Variants in TEX15 observed in about 807,000 individuals in gnomAD.
The protein encoded by TEX15 is testis expressed 15, meiosis and synapsis associated.
A neutral mutation model predicts 237.3 loss-of-function variants in TEX15; 171 were observed. The ratio of observed to expected loss-of-function variants is 0.72; its 90% CI spans 0.64 to 0.82. The LOEUF is 0.82. TEX15 is among the 40% of genes least tolerant of loss of function. The pLI is 0.00. For synonymous variants in TEX15, 1,338 were observed against 1,269.8 expected (o/e 1.05, Z -1.14); for missense variants, 3,750 against 3,646.5 (o/e 1.03, Z -0.73).
intron 3 of TEX15, among the ~76,000 whole-genome samples, chr8:30,882,578 G>C (rs1808554025): frequency 6.6e-6 from 1 of 152,176 alleles, no homozygotes; most frequent in African/African-American, 2.4e-5. Flanking sequence ...GAGCCACTGT[G>C]CCTAGCCTCA....
intron 1 of TEX15, among the ~76,000 whole-genome samples, chr8:30,901,843 AAACT>A (rs1352644855): frequency 2.0e-5 from 3 of 152,202 alleles, no homozygotes. Flanking sequence ...GAGCTAGAAA[AAACT>A]ACTACTTAAC....
Position 30,832,600 on chromosome 8 carries a change from T to C in TEX15, c.*686A>G, listed in dbSNP as rs987054876. 2 of 152,226 alleles carry C rather than the reference T, an allele frequency of 1.3e-5. No individual in the cohort carries two copies. The highest frequency in any genetic ancestry group is 2.9e-5 in the Non-Finnish European group (2 of 68,028). The allele number at this position is 152,226 out of a possible 1,614,324, so 9.4% of individuals were successfully genotyped here. On this transcript the variant is annotated 3_prime_UTR_variant, in exon 11 of 11. Coordinates refer to ENST00000643185, the MANE Select transcript of TEX15 (RefSeq NM_001350162.2). ...AAGACTAACTGCATAAGCATAAACA[T>C]TATTCTCTATTATTTGCTAGAAAAT...
At chr8:30,904,446 CA>C (rs200542503) in intron 1 of TEX15, among the ~76,000 whole-genome samples, 50,563 of 101,864 alleles carry the variant, frequency 0.5, 8,042 homozygotes, top group African/African-American at 0.55. Flanking sequence ...GACTCCGTCT[CA>C]AAAAAAAAAA....
rs1487278849 is a variant in TEX15 at position 30,833,315 on chromosome 8, G to A, written c.9490C>T (p.His3164Tyr). The A allele has an allele frequency of 1.9e-6, 3 of 1,595,960 alleles. No homozygotes were observed. Among genetic ancestry groups the A allele is most frequent in the Non-Finnish European group, 2.6e-6 (3 of 1,170,314 alleles). The change falls in exon 11 of 11, where the codon CAC becomes TAC. Residue 3164 changes from histidine to tyrosine, a missense_variant. Coordinates refer to ENST00000643185, the MANE Select transcript of TEX15 (RefSeq NM_001350162.2). ...TGTCCTGGATGAAAGGATTCTTGGT[G>A]CCATGGAGCTGGAAGAAAAAACACC... ...PEVPWVYAPW[H>Y]QESFHPGH
intron 8 of TEX15, among the ~76,000 whole-genome samples, chr8:30,840,728 T>C (rs901236999): frequency 2.0e-5 from 3 of 152,194 alleles, no homozygotes; most frequent in African/African-American, 7.2e-5. Context: ...ATGACTTATA[T>C]ACTCAGAATC....
chr8:30,848,349 T>G lies in TEX15; in HGVS notation c.1818A>C (p.Lys606Asn), dbSNP rs1807679071. Residue 606 changes from lysine to asparagine, a missense_variant, in exon 8 of 11, where the codon AAA becomes AAC. Transcript: ENST00000643185. ...GGTATTCATCAATGCTTACTTTCTT[T>G]TTGAGTGGAAAAACTGTAGACGTTT... ...GCQTSTVFPL[K>N]KKVSIDEYLQ... 6 of 1,614,010 alleles carry G rather than the reference T, an allele frequency of 3.7e-6. No homozygotes were observed. Among genetic ancestry groups the G allele is most frequent in the Non-Finnish European group, 5.1e-6 (6 of 1,179,998 alleles).
At position 30,845,193 on chromosome 8, in the gene TEX15, C is replaced by T; in HGVS notation, c.4974G>A (p.Val1658=). 6.2e-7 allele frequency: 1 copy of T among 1,613,500 alleles called. No individual in the cohort carries two copies. The highest frequency in any genetic ancestry group is 8.5e-7 in the Non-Finnish European group (1 of 1,179,538). Residue 1658 remains valine, a synonymous_variant, in exon 8 of 11, where the codon GTG becomes GTA. Coordinates refer to ENST00000643185, the MANE Select transcript of TEX15 (RefSeq NM_001350162.2). ...DVLISVLDSN[V]KHFLNDLYQQ... ...GGTAGAGATCATTTAAAAAGTGCTTCACATTTGAATCTAAGACTGATATAA... is the reference window on the plus strand; with the variant it reads ...GGTAGAGATCATTTAAAAAGTGCTTTACATTTGAATCTAAGACTGATATAA...
intron 1 of TEX15, among the ~76,000 whole-genome samples, chr8:30,909,331 T>C (rs1809170890): frequency 6.6e-6 from 1 of 151,684 alleles, no homozygotes; most frequent in Non-Finnish European, 1.5e-5. Flanking sequence ...ATGTATTCAG[T>C]CACATTGGTG....
Position 30,846,355 on chromosome 8 carries a change from ATTG to A in TEX15, c.3809_3811del (p.Thr1270del), listed in dbSNP as rs368254330. The A allele has an allele frequency of 3.9e-4, 634 of 1,613,210 alleles. 3 individuals are homozygous for A. In the African/African-American group the frequency reaches 4.6e-3, roughly 12 times the overall value. On this transcript the variant is annotated inframe_deletion, in exon 8 of 11. Transcript: ENST00000643185. ...AAAGAAACATCTGCTTCCATCATCTATTGTTGTGACATTAGAAGGTTCAGTAAA... is the reference window on the plus strand; with the variant it reads ...AAAGAAACATCTGCTTCCATCATCTATTGTGACATTAGAAGGTTCAGTAAA...
intron 3 of TEX15, among the ~76,000 whole-genome samples, chr8:30,875,623 C>A (rs1016526048): frequency 2.0e-5 from 3 of 152,146 alleles, no homozygotes; most frequent in African/African-American, 4.8e-5. Flanking sequence ...TAAATAGATG[C>A]ATAAAAGGAT....
At chr8:30,887,890 AT>A (rs1313079797) in intron 2 of TEX15, 1 of 2,026 alleles carries the variant, frequency 4.9e-4, no homozygotes, top group Non-Finnish European at 7.8e-4. Flanking sequence ...TATATATTTC[AT>A]ATATATATAT....
In TEX15 at chr8:30,837,182, T is replaced by C. The variant is rs765493556; in HGVS notation, c.9102A>G (p.Leu3034=). Residue 3034 remains leucine (L), a synonymous_variant, in exon 10 of 11, where the codon TTA becomes TTG. Transcript: ENST00000643185. ...CAGAGTATGGATATGAAGTTCCAAA[T>C]AAATGCTCAGAAGAATTATATGTTG... ...CNPTYNSSEH[L]FGTSYPYSAW... The C allele has an allele frequency of 1.2e-6, 2 of 1,614,160 alleles. No homozygotes were observed. Among genetic ancestry groups the C allele is most frequent in the East Asian group, 4.5e-5 (2 of 44,872 alleles).
chr8:30,852,867 G>C (rs1807818777), intron 7 of TEX15, among the ~76,000 whole-genome samples: 1 of 152,178 alleles, frequency 6.6e-6, no homozygotes, highest in Admixed American at 6.5e-5. Context: ...GTAGCTACTA[G>C]CCACATGTGG....
At chr8:30,867,683 A>G (rs1047870076) in intron 4 of TEX15, among the ~76,000 whole-genome samples, 181 bp from the exon 5 acceptor site, 7 of 152,110 alleles carry the variant, frequency 4.6e-5, no homozygotes, top group African/African-American at 1.7e-4. Flanking sequence ...AGGATTACTT[A>G]GCCAAGATTT....
At chr8:30,836,662 T>C (rs561568555) in intron 10 of TEX15, 141 bp downstream of exon 10, 67 of 770,972 alleles carry the variant, frequency 8.7e-5, no homozygotes, top group African/African-American at 1.2e-4. Flanking sequence ...GCCCAATCCA[T>C]TGGCAATTCT....
rs1172617121 is a variant in TEX15 at position 30,837,684 on chromosome 8, G to A, written c.8600C>T (p.Ser2867Phe). The change falls in exon 10 of 11, where the codon TCC becomes TTC. Residue 2867 changes from serine to phenylalanine, a missense_variant. Ser to Phe is a radical substitution (Grantham distance 155, BLOSUM62 -2). Coordinates refer to ENST00000643185, the MANE Select transcript of TEX15 (RefSeq NM_001350162.2). ...GTLLQKFLKN[S>F]PDPTQKSCLS... is the part of the protein sequence containing the mutation. ...GCAGGATTTTTGGGTGGGATCTGGG[G>A]AATTTTTAAGAAATTTCTGCAAAAG... 3 of 1,613,946 alleles carry A rather than the reference G, an allele frequency of 1.9e-6. No individual in the cohort carries two copies. The highest frequency in any genetic ancestry group is 2.5e-6 in the Non-Finnish European group (3 of 1,179,960).
rs747588683 is a variant in TEX15, at chr8:30,848,462, C to T, written c.1705G>A (p.Gly569Ser). The part of the protein sequence containing the change: ...EKAQRAQQES[G>S]NAYTKEYSSH... The stretch of plus-strand genomic sequence containing the variant: ...CTGTACTCTTTTGTATAAGCATTAC[C>T]GGACTCCTGTTGGGCTCTCTGAGCC... Residue 569 changes from glycine to serine, a missense_variant, in exon 8 of 11, where the codon GGT becomes AGT. Gly to Ser is a moderately conservative substitution (Grantham distance 56, BLOSUM62 0). Coordinates refer to ENST00000643185, the MANE Select transcript of TEX15 (RefSeq NM_001350162.2). The T allele has an allele frequency of 1.4e-5, 23 of 1,613,936 alleles. No homozygotes were observed. Among genetic ancestry groups the T allele is most frequent in the African/African-American group, 2.7e-5 (2 of 74,898 alleles).
chr8:30,834,075 A>G (rs1807239551), intron 10 of TEX15, among the ~76,000 whole-genome samples: 1 of 152,190 alleles, frequency 6.6e-6, no homozygotes, highest in South Asian at 2.1e-4. Flanking sequence ...TGTCCCATCT[A>G]CTATGCTTGG....
At chr8:30,879,937 TTA>T (rs569729405) in intron 3 of TEX15, among the ~76,000 whole-genome samples, 11,774 of 146,298 alleles carry the variant, frequency 0.08, 1,185 homozygotes, top group African/African-American at 0.26. Flanking sequence ...CTTTTTTTTT[TTA>T]AAAAAAAAAA....
Sources: gnomAD v4.1 joint callset for allele counts (sites outside exome capture counted in the v4.1 genomes callset) on GRCh38, gnomAD v4.1.1 for gene constraint, MANE v1.5 for transcripts, NCBI Gene and HGNC (gene_info 2026-07-23, HGNC 2026-07-21) for gene names.